The following AAK1 variants were observed in gnomAD, a reference collection of about 807,000 sequenced individuals.
AAK1 encodes the protein AP2 associated kinase 1.
Under a neutral mutation model 116.0 loss-of-function variants are expected in AAK1, and 37 were observed. That is an observed-to-expected ratio of 0.32 (90% CI 0.25 to 0.42). AAK1 has a LOEUF of 0.42. AAK1 is among the 10% of genes least tolerant of loss of function. The pLI is 1.00. For missense variants in AAK1, 919 were observed against 1,170.6 expected, an observed-to-expected ratio of 0.79 and a Z score of 3.14; for synonymous variants, 458 against 439.9, an observed-to-expected ratio of 1.04 and a Z score of -0.51.
At chr2:69,499,734 C>G (rs1017990377) in intron 16 of AAK1, 1 of 151,928 alleles carries the variant, frequency 6.6e-6, no homozygotes, top group Non-Finnish European at 1.5e-5. Flanking sequence ...CACAATGAAA[C>G]ATATTTAAAA....
chr2:69,572,085 T>C (rs937975459), intron 2 of AAK1, among the ~76,000 whole-genome samples: 4 of 152,164 alleles, frequency 2.6e-5, no homozygotes, highest in South Asian at 2.1e-4. Context: ...CCAAGGAGCA[T>C]GCCAGCACCA....
rs1674316226 is a variant in AAK1, at chr2:69,460,628, T to C, written c.*15241A>G. The C allele has an allele frequency of 6.6e-6, 1 of 152,168 alleles. No homozygotes were observed. Among genetic ancestry groups the C allele is most frequent in the Non-Finnish European group, 1.5e-5 (1 of 68,034 alleles). The allele number at this position is 152,168 out of a possible 1,614,324, so 9.4% of individuals were successfully genotyped here. On this transcript the variant is annotated 3_prime_UTR_variant, in exon 22 of 22. Coordinates refer to ENST00000409085, the MANE Select transcript of AAK1 (RefSeq NM_014911.5). ...ACACATACACTCTAGTCTACAAATA[T>C]GAGACTTTTCAACTCAACAATAAGT...
Position 69,643,031 on chromosome 2 carries a change from A to T in AAK1, c.10T>A (p.Phe4Ile). ...CCCTGCTCTCGCCGGGAGTCGAAAA[A>T]CTTCTTCATCTTGCGAATAGGGAGC... is the stretch of plus-strand genomic sequence containing the variant. MKK[F>I]FDSRREQGGS... Residue 4 changes from phenylalanine to isoleucine, a missense_variant, in exon 2 of 22, where the codon TTT becomes ATT. By Grantham distance (21) the Phe-to-Ile change is conservative (BLOSUM62 0). This residue lies in a region of AAK1 where 317 missense variants were observed against 490.4 expected (regional missense o/e 0.65). Coordinates refer to ENST00000409085, the MANE Select transcript of AAK1 (RefSeq NM_014911.5). 6.2e-7 allele frequency: 1 copy of T among 1,602,980 alleles called. No homozygotes were observed. The highest frequency in any genetic ancestry group is 1.1e-5 in the South Asian group (1 of 89,722).
At chr2:69,599,008 T>TA in intron 2 of AAK1, 1 of 332,462 alleles carries the variant, frequency 3.0e-6, no homozygotes, top group Non-Finnish European at 6.0e-6. Context: ...TGGAAAGTGT[T>TA]AAAGTTGTAG....
At chr2:69,566,968 A>G (rs151099867) in intron 2 of AAK1, among the ~76,000 whole-genome samples, 2 of 152,280 alleles carry the variant, frequency 1.3e-5, no homozygotes, top group Non-Finnish European at 2.9e-5. Context: ...CAGAAACTTA[A>G]TATCATTTGA....
rs1191044017 is a variant in AAK1 at position 69,482,909 on chromosome 2, G to C, written c.2366-97C>G. The C allele has an allele frequency of 1.4e-5, 10 of 707,244 alleles. 1 individual carries two copies. The South Asian group carries it at 1.8e-4, about 13-fold the overall frequency. 43.8% of individuals were successfully genotyped at this position (707,244 alleles called of 1,614,324 possible). A position where few individuals can be genotyped will look rare whatever the true frequency, so the allele number is the denominator to read the frequency against. On this transcript the variant is annotated intron_variant, in intron 17 of 21. Transcript: ENST00000409085. Reference sequence around the variant, plus strand: ...TTCTTTAAGCAAACACATTTTAGGGGTCAATATTTGGTACAGGTTCACCAT... The same window carrying C: ...TTCTTTAAGCAAACACATTTTAGGGCTCAATATTTGGTACAGGTTCACCAT...
At position 69,469,626 on chromosome 2, in the gene AAK1, T is replaced by C; in HGVS notation, c.*6243A>G. ...CATAGAGCTCAGTAAACACTGCCTG[T>C]TGTACCTCAGGGGCTAAAGCCCAGG... On this transcript the variant is annotated 3_prime_UTR_variant, in exon 22 of 22. Transcript: ENST00000409085. The C allele has an allele frequency of 1.0e-6, 1 of 985,456 alleles. No individual in the cohort carries two copies. The highest frequency in any genetic ancestry group is 4.7e-5 in the South Asian group (1 of 21,276). 61.0% of individuals were successfully genotyped at this position (985,456 alleles called of 1,614,324 possible).
chr2:69,497,179 T>A (rs1461888751), intron 16 of AAK1, among the ~76,000 whole-genome samples: 1 of 151,920 alleles, frequency 6.6e-6, no homozygotes, highest in African/African-American at 2.4e-5. Context: ...GGTCTTGCTA[T>A]GTTAACTAGG....
intron 2 of AAK1, among the ~76,000 whole-genome samples, chr2:69,558,679 A>T (rs1457924386): frequency 6.6e-6 from 1 of 152,232 alleles, no homozygotes; most frequent in Non-Finnish European, 1.5e-5. Flanking sequence ...AATTGTATAG[A>T]GGTGAACACA....
In AAK1 at chr2:69,470,493, T is replaced by C. The variant is rs1482127137; in HGVS notation, c.*5376A>G. On this transcript the variant is annotated 3_prime_UTR_variant, in exon 22 of 22. Coordinates refer to ENST00000409085, the MANE Select transcript of AAK1 (RefSeq NM_014911.5). ...CACGACTGGGAAATGAGGGACCTCA[T>C]GGAAGCCAAAAATGGCCAGCTGTGC... is the stretch of plus-strand genomic sequence containing the variant. The C allele has an allele frequency of 1.0e-6, 1 of 985,322 alleles. No homozygotes were observed. Among genetic ancestry groups the C allele is most frequent in the East Asian group, 1.1e-4 (1 of 8,830 alleles). 61.0% of individuals were successfully genotyped at this position (985,322 alleles called of 1,614,324 possible).
intron 2 of AAK1, among the ~76,000 whole-genome samples, chr2:69,623,092 C>G (rs540725965): frequency 6.6e-6 from 1 of 152,292 alleles, no homozygotes; most frequent in African/African-American, 2.4e-5. Flanking sequence ...CTGCTGCTCA[C>G]TCTTTGGGTC....
At chr2:69,599,706 G>C (rs1335395784) in intron 2 of AAK1, among the ~76,000 whole-genome samples, 2 of 152,130 alleles carry the variant, frequency 1.3e-5, no homozygotes, top group African/African-American at 4.8e-5. Flanking sequence ...TGATAATATA[G>C]AGAGAATTAA....
intron 2 of AAK1, among the ~76,000 whole-genome samples, chr2:69,572,385 A>G (rs1672122515): frequency 6.6e-6 from 1 of 152,190 alleles, no homozygotes; most frequent in Middle Eastern, 3.4e-3. Context: ...ATCCCAGCCG[A>G]GGTGGGCAGA....
intron 6 of AAK1, 81 bp downstream of exon 6, chr2:69,531,960 C>G: frequency 6.4e-7 from 1 of 1,570,412 alleles, no homozygotes; most frequent in Non-Finnish European, 8.7e-7. Flanking sequence ...TCTCCCCACC[C>G]TGACCTTCTC....
intron 17 of AAK1, among the ~76,000 whole-genome samples, chr2:69,492,069 AG>A (rs1448544415): frequency 1.3e-5 from 2 of 152,176 alleles, no homozygotes; most frequent in Non-Finnish European, 2.9e-5. Context: ...CCACACCATG[AG>A]GGCGTTACTT....
In AAK1 at chr2:69,460,132, A is replaced by G. The variant is rs990773935; in HGVS notation, c.*15737T>C. The G allele has an allele frequency of 6.6e-6, 1 of 152,356 alleles. No individual in the cohort carries two copies. Among genetic ancestry groups the G allele is most frequent in the Non-Finnish European group, 1.5e-5 (1 of 68,000 alleles). The allele number at this position is 152,356 out of a possible 1,614,324, so 9.4% of individuals were successfully genotyped here. A position where few individuals can be genotyped will look rare whatever the true frequency, so the allele number is the denominator to read the frequency against. On this transcript the variant is annotated 3_prime_UTR_variant, in exon 22 of 22. Coordinates refer to ENST00000409085, the MANE Select transcript of AAK1 (RefSeq NM_014911.5). Reference sequence around the variant, plus strand: ...AGTCCCACATTTCTCGGATAAAACCACATCTGTGGTTTTATCCAGCAACCA... The same window carrying G: ...AGTCCCACATTTCTCGGATAAAACCGCATCTGTGGTTTTATCCAGCAACCA...
chr2:69,556,640 A>T (rs1671396712), intron 3 of AAK1, among the ~76,000 whole-genome samples: 1 of 142,026 alleles, frequency 7.0e-6, no homozygotes, highest in Admixed American at 7.3e-5. Context: ...TCTGACCTAA[A>T]AACTGGTCAG....
At chr2:69,614,307 G>A (rs564645822) in intron 2 of AAK1, among the ~76,000 whole-genome samples, 2 of 152,160 alleles carry the variant, frequency 1.3e-5, no homozygotes, top group African/African-American at 2.4e-5. Context: ...GAAGAGGAAA[G>A]GCTCATTGAA....
chr2:69,587,796 G>GTTTT (rs1672854871), intron 2 of AAK1, among the ~76,000 whole-genome samples: 1 of 151,914 alleles, frequency 6.6e-6, no homozygotes, highest in East Asian at 1.9e-4. Context: ...TTTTTTTGTA[G>GTTTT]AGACAGAGTT....
Sources: allele counts gnomAD v4.1 joint callset (sites outside exome capture counted in the v4.1 genomes callset), GRCh38; gene constraint gnomAD v4.1.1; regional missense constraint gnomAD v4.1.1; transcripts MANE v1.5; gene names NCBI Gene and HGNC (gene_info 2026-07-23, HGNC 2026-07-21).